Variants in IL1RAPL2 observed in about 807,000 individuals in gnomAD.
IL1RAPL2 encodes the protein X-linked interleukin-1 receptor accessory protein-like 2.
IL1RAPL2 carries 3 observed loss-of-function variants against 44.1 expected under a neutral mutation model. The ratio of observed to expected loss-of-function variants is 0.07; its 90% CI spans 0.03 to 0.18. The LOEUF is 0.18. IL1RAPL2 is among the 10% of genes least tolerant of loss of function. The probability of loss-of-function intolerance (pLI) is 1.00; values close to 1 mark genes in which losing one functional copy is unlikely to be tolerated. For synonymous variants in IL1RAPL2, 181 were observed against 178.8 expected, an observed-to-expected ratio of 1.01 and a Z score of -0.10; for missense variants, 391 against 496.4, an observed-to-expected ratio of 0.79 and a Z score of 2.02.
chrX:105,265,928 G>T (rs1172659057), intron 4 of IL1RAPL2, among the ~76,000 whole-genome samples: 1 of 111,277 alleles, frequency 9.0e-6, no homozygotes, highest in Non-Finnish European at 1.9e-5. Context: ...GGTAGATGCA[G>T]ATGTTGTATA....
At chrX:105,024,476 T>C (rs1157967997) in intron 2 of IL1RAPL2, among the ~76,000 whole-genome samples, 1 of 111,452 alleles carries the variant, frequency 9.0e-6, no homozygotes, top group African/African-American at 3.2e-5. Context: ...CTTAGGCTCT[T>C]ACAATGTTTA....
chrX:105,029,415 C>A (rs2031439923), intron 2 of IL1RAPL2, among the ~76,000 whole-genome samples: 2 of 69,255 alleles, frequency 2.9e-5, no homozygotes, highest in Non-Finnish European at 5.1e-5. Flanking sequence ...CCCCACCCCA[C>A]AACAGTCCCC....
chrX:104,778,321 A>G (rs1243198334), intron 2 of IL1RAPL2, among the ~76,000 whole-genome samples: 1 of 111,451 alleles, frequency 9.0e-6, no homozygotes. Context: ...AAGTAAATGA[A>G]TGAATTCATA....
intron 1 of IL1RAPL2, among the ~76,000 whole-genome samples, chrX:104,592,862 A>G (rs188905692): frequency 1.6e-4 from 18 of 111,905 alleles, no homozygotes; most frequent in African/African-American, 5.8e-4. Context: ...GTAACATTTC[A>G]TCTTTCATGA....
In IL1RAPL2 at chrX:105,622,884, C is replaced by T. The variant is rs765032187; in HGVS notation, c.773-94483C>T. Among the ~76,000 whole-genome samples the T allele has an allele frequency of 2.0e-4, 22 of 110,684 alleles. No homozygotes were observed. In the South Asian group the frequency reaches 8.5e-3, roughly 43 times the overall value. ...AATGACCAACCTCACCCCCACTAAT[C>T]TCTTCTCAAGTTTTAAAACCTCTAG... On this transcript the variant is annotated intron_variant, in intron 6 of 10. Transcript: ENST00000372582.
chrX:105,648,300 G>C (rs1184785298), intron 6 of IL1RAPL2, among the ~76,000 whole-genome samples: 1 of 111,679 alleles, frequency 9.0e-6, no homozygotes, highest in Non-Finnish European at 1.9e-5. Context: ...GAAATCATGA[G>C]CAGTAGAACA....
intron 5 of IL1RAPL2, among the ~76,000 whole-genome samples, chrX:105,380,718 G>A (rs1290850141): frequency 8.9e-6 from 1 of 111,745 alleles, no homozygotes; most frequent in Non-Finnish European, 1.9e-5. Flanking sequence ...AGAAAACACT[G>A]TTAGAAGATG....
chrX:104,785,630 A>AC (rs771118534), intron 2 of IL1RAPL2, among the ~76,000 whole-genome samples: 6 of 109,436 alleles, frequency 5.5e-5, no homozygotes, highest in African/African-American at 1.0e-4. Context: ...CCCCTTATCA[A>AC]CCCCCACTGC....
chrX:105,703,676 C>T (rs2038139382), intron 6 of IL1RAPL2, among the ~76,000 whole-genome samples: 1 of 111,477 alleles, frequency 9.0e-6, no homozygotes, highest in Non-Finnish European at 1.9e-5. Flanking sequence ...TCTCAAAGTT[C>T]CCTTCTAACT....
chrX:104,988,651 A>G (rs993415176), intron 2 of IL1RAPL2, among the ~76,000 whole-genome samples: 8 of 111,970 alleles, frequency 7.1e-5, no homozygotes, highest in African/African-American at 2.6e-4. Context: ...TTTACTTTTT[A>G]TTGTGCTTTT....
chrX:105,369,405 G>T (rs2035320603), intron 5 of IL1RAPL2, among the ~76,000 whole-genome samples: 1 of 110,950 alleles, frequency 9.0e-6, no homozygotes, highest in Non-Finnish European at 1.9e-5. Context: ...CCCCAAATTA[G>T]ACAGTGTCAA....
intron 4 of IL1RAPL2, among the ~76,000 whole-genome samples, chrX:105,243,130 G>T (rs781907220): frequency 9.0e-6 from 1 of 110,546 alleles, no homozygotes; most frequent in African/African-American, 3.3e-5. Flanking sequence ...ATATGATTTG[G>T]CTCTGTATCC....
intron 2 of IL1RAPL2, among the ~76,000 whole-genome samples, chrX:104,681,746 C>G (rs189512777): frequency 2.7e-5 from 3 of 112,682 alleles, no homozygotes; most frequent in Non-Finnish European, 5.6e-5. Flanking sequence ...AAGTTTCCAC[C>G]CTTGGGCTTA....
intron 5 of IL1RAPL2, among the ~76,000 whole-genome samples, chrX:105,413,500 C>T (rs1329575589): frequency 1.8e-5 from 2 of 111,202 alleles, no homozygotes; most frequent in Non-Finnish European, 3.8e-5. Flanking sequence ...GGACCATGAG[C>T]CATGGAATGT....
rs750391265 is a variant in IL1RAPL2, at chrX:105,048,998, TTTC to T, written c.83-146471_83-146469del. Among the ~76,000 whole-genome samples, 815 of 111,774 alleles carry T rather than the reference TTTC, an allele frequency of 7.3e-3. 13 individuals are homozygous for T. The highest frequency in any genetic ancestry group is 0.025 in the African/African-American group (777 of 30,794). ...GTATCATCCTTGATGAAAACAAACA[TTTC>T]TTCTTTTTCATTTCATTCCAAAATC... On this transcript the variant is annotated intron_variant, in intron 2 of 10. Coordinates refer to ENST00000372582, the MANE Select transcript of IL1RAPL2 (RefSeq NM_017416.2).
chrX:105,741,891 A>G (rs748652193), intron 8 of IL1RAPL2, among the ~76,000 whole-genome samples: 1 of 111,547 alleles, frequency 9.0e-6, no homozygotes, highest in South Asian at 3.8e-4. Flanking sequence ...TAATAATGAT[A>G]TAATGGGTGT....
At chrX:105,450,135 C>A (rs1287988076) in intron 5 of IL1RAPL2, among the ~76,000 whole-genome samples, 1 of 112,214 alleles carries the variant, frequency 8.9e-6, no homozygotes, top group African/African-American at 3.2e-5. Context: ...CAAATGCTCC[C>A]TCCATTCACA....
chrX:105,284,003 T>C (rs1215676235), intron 5 of IL1RAPL2, among the ~76,000 whole-genome samples: 1 of 111,929 alleles, frequency 8.9e-6, no homozygotes, highest in African/African-American at 3.2e-5. Flanking sequence ...TTTTTTCTGC[T>C]ATATGGGGAT....
chrX:104,902,434 A>C (rs1042719892), intron 2 of IL1RAPL2, among the ~76,000 whole-genome samples: 44 of 112,284 alleles, frequency 3.9e-4, no homozygotes, highest in African/African-American at 1.4e-3. Context: ...ACGAGCCCTC[A>C]TCAAGAGTAA....
Sources: gnomAD v4.1 joint callset for allele counts (sites outside exome capture counted in the v4.1 genomes callset) on GRCh38, gnomAD v4.1.1 for gene constraint, MANE v1.5 for transcripts, NCBI Gene and HGNC (gene_info 2026-07-23, HGNC 2026-07-21) for gene names.